CUX2: variants seen among roughly 807,000 people sequenced by gnomAD.
CUX2 encodes homeobox protein cut-like 2.
Under a neutral mutation model 144.8 loss-of-function variants are expected in CUX2, and 40 were observed. The ratio of observed to expected loss-of-function variants is 0.28; its 90% confidence interval spans 0.21 to 0.36. The LOEUF (loss-of-function observed/expected upper bound fraction) is 0.36, where lower values mean the gene tolerates loss of function less well. CUX2 is among the 10% of genes least tolerant of loss of function. The pLI is 1.00. For missense variants in CUX2, 1,615 were observed against 1,994.0 expected (o/e 0.81, Z 3.62); for synonymous variants, 827 against 875.6 (o/e 0.94, Z 0.98).
chr12:111,171,979 GTGTGTGTGCATGTGCC>G lies in CUX2; in HGVS notation c.64-42211_64-42196del, dbSNP rs1314236711. Reference sequence around the variant, plus strand: ...TGTGCGTGCATGTGCATGCACCTGTGTGTGTGTGCATGTGCCTGTGTGTGCGCATGTGTGTGCATAT... The same window carrying G: ...TGTGCGTGCATGTGCATGCACCTGTGTGTGTGTGCGCATGTGTGTGCATAT... On this transcript the variant is annotated intron_variant, in intron 1 of 21. Coordinates refer to ENST00000261726, the MANE Select transcript of CUX2 (RefSeq NM_015267.4). This position sits in a 1 kb window ranked among gnomAD's most constrained non-coding sequence, Gnocchi z 5.0. 0.015 allele frequency among the ~76,000 whole-genome samples: 2,281 copies of G among 152,180 alleles called. 50 individuals are homozygous for G. Among genetic ancestry groups the G allele is most frequent in the African/African-American group, 0.051 (2,117 of 41,518 alleles).
At chr12:111,099,752 TG>T in intron 1 of CUX2, 1 of 449,916 alleles carries the variant, frequency 2.2e-6, no homozygotes, top group Admixed American at 2.4e-5. Context: ...GCACGGATGG[TG>T]TAAAATCAGA....
chr12:111,158,922 C>G (rs983941919), intron 1 of CUX2, among the ~76,000 whole-genome samples: 1 of 152,168 alleles, frequency 6.6e-6, no homozygotes, highest in Non-Finnish European at 1.5e-5. Context: ...GAACAACACT[C>G]AGCCACAGAA....
chr12:111,117,375 C>T (rs1874371974), intron 1 of CUX2, among the ~76,000 whole-genome samples: 1 of 152,136 alleles, frequency 6.6e-6, no homozygotes, highest in South Asian at 2.1e-4. Context: ...TCTGATGTGC[C>T]ATTCACCATG....
At chr12:111,256,769 T>C (rs1237196502) in intron 3 of CUX2, among the ~76,000 whole-genome samples, 1 of 152,170 alleles carries the variant, frequency 6.6e-6, no homozygotes, top group Admixed American at 6.5e-5. Context: ...AGTTTCTTTC[T>C]TCCTCTGTAG....
At chr12:111,279,988 A>G (rs893853009) in intron 4 of CUX2, among the ~76,000 whole-genome samples, 1 of 151,408 alleles carries the variant, frequency 6.6e-6, no homozygotes, top group African/African-American at 2.4e-5. Context: ...CTCAAAAATA[A>G]ACAAACAAAC....
intron 1 of CUX2, among the ~76,000 whole-genome samples, chr12:111,155,862 C>CT (rs1298811656): frequency 6.6e-6 from 1 of 152,050 alleles, no homozygotes; most frequent in African/African-American, 2.4e-5. Flanking sequence ...ACATTAGTGA[C>CT]TTTTATAGCA....
In CUX2 at chr12:111,338,333, G is replaced by A. The variant is rs1449920761; in HGVS notation, c.3244G>A (p.Val1082Met). 3.1e-6 allele frequency: 5 copies of A among 1,613,856 alleles called. No homozygotes were observed. Among genetic ancestry groups the A allele is most frequent in the Non-Finnish European group, 4.2e-6 (5 of 1,179,928 alleles). Reference protein sequence around the residue: ...ESILGLTQGSVSDLLSRPKPW... With the variant: ...ESILGLTQGSMSDLLSRPKPW... ...CATCCTGGGTCTGACACAGGGCTCC[G>A]TGTCTGACCTGCTGTCCCGGCCCAA... Residue 1082 changes from valine to methionine, a missense_variant, in exon 20 of 22, where the codon GTG becomes ATG. Around this residue, in one of 12 missense-constraint regions of CUX2, gnomAD observed 131 missense variants for 223.1 expected, o/e 0.59. Transcript: ENST00000261726.
intron 1 of CUX2, among the ~76,000 whole-genome samples, chr12:111,135,230 G>A (rs1211334442): frequency 6.6e-6 from 1 of 152,134 alleles, no homozygotes; most frequent in South Asian, 2.1e-4. Context: ...ATGGGGTGCA[G>A]GGGAGGGTGG....
intron 1 of CUX2, among the ~76,000 whole-genome samples, chr12:111,087,081 C>T (rs1336541944): frequency 2.6e-5 from 4 of 151,922 alleles, no homozygotes; most frequent in Non-Finnish European, 4.4e-5. Context: ...TGCTGTGGGC[C>T]GGGCACAGTG....
At chr12:111,300,264 G>A (rs538710806) in intron 9 of CUX2, among the ~76,000 whole-genome samples, 2 of 152,178 alleles carry the variant, frequency 1.3e-5, no homozygotes, top group African/African-American at 4.8e-5. Context: ...GGGACTACAG[G>A]CACGCACCAC....
chr12:111,104,934 C>A (rs771401606), intron 1 of CUX2, among the ~76,000 whole-genome samples: 1 of 152,040 alleles, frequency 6.6e-6, no homozygotes, highest in Admixed American at 6.6e-5. Flanking sequence ...GGGAGGGGAC[C>A]CTGTGGCTCC....
Position 111,171,975 on chromosome 12 carries a change from C to CTG in CUX2, c.64-42214_64-42213dup, listed in dbSNP as rs199968048. On this transcript the variant is annotated intron_variant, in intron 1 of 21. Coordinates refer to ENST00000261726, the MANE Select transcript of CUX2 (RefSeq NM_015267.4). This position sits in a 1 kb window ranked among gnomAD's most constrained non-coding sequence, Gnocchi z 5.0. Reference sequence around the variant, plus strand: ...TGTGTGTGCGTGCATGTGCATGCACCTGTGTGTGTGTGCATGTGCCTGTGT... The same window carrying CTG: ...TGTGTGTGCGTGCATGTGCATGCACCTGTGTGTGTGTGTGCATGTGCCTGTGT... Among the ~76,000 whole-genome samples, 1,956 of 151,318 alleles carry CTG rather than the reference C, an allele frequency of 0.013. 44 individuals carry two copies. The highest frequency in any genetic ancestry group is 0.046 in the African/African-American group (1,873 of 41,058).
At chr12:111,315,084 A>G (rs1230552059) in intron 16 of CUX2, among the ~76,000 whole-genome samples, 1 of 152,132 alleles carries the variant, frequency 6.6e-6, no homozygotes, top group Non-Finnish European at 1.5e-5. Context: ...GTAGTCTTAT[A>G]TTCAGGGTCT....
intron 16 of CUX2, among the ~76,000 whole-genome samples, chr12:111,316,245 G>A (rs1592957549): frequency 6.7e-6 from 1 of 149,860 alleles, no homozygotes; most frequent in East Asian, 2.0e-4. Context: ...GGGTTCAAGT[G>A]ATTCCGCCTC....
At chr12:111,269,105 G>A (rs893566533) in intron 4 of CUX2, among the ~76,000 whole-genome samples, 2 of 152,134 alleles carry the variant, frequency 1.3e-5, no homozygotes, top group African/African-American at 2.4e-5. Flanking sequence ...AACCTGCCTC[G>A]TGCTGTTATT....
At chr12:111,045,260 C>T (rs919599346) in intron 1 of CUX2, among the ~76,000 whole-genome samples, 1 of 152,066 alleles carries the variant, frequency 6.6e-6, no homozygotes, top group African/African-American at 2.4e-5. Flanking sequence ...GGGGGAGACC[C>T]ATCTTTCCTT....
At chr12:111,066,669 C>T (rs946290667) in intron 1 of CUX2, among the ~76,000 whole-genome samples, 1 of 152,192 alleles carries the variant, frequency 6.6e-6, no homozygotes, top group Non-Finnish European at 1.5e-5. Flanking sequence ...CAGTGTATTC[C>T]AGCATGTAAA....
chr12:111,165,453 C>T (rs1433863315), intron 1 of CUX2, among the ~76,000 whole-genome samples: 4 of 152,152 alleles, frequency 2.6e-5, no homozygotes, highest in Admixed American at 2.6e-4. Flanking sequence ...TCTGTCTCTA[C>T]CAAGACGGTC....
intron 19 of CUX2, among the ~76,000 whole-genome samples, chr12:111,334,976 T>C (rs1334639736): frequency 6.6e-6 from 1 of 152,186 alleles, no homozygotes; most frequent in Non-Finnish European, 1.5e-5. Context: ...ATGCCTGTAG[T>C]CCTAGCAACT....
Sources: gnomAD v4.1 joint callset for allele counts (sites outside exome capture counted in the v4.1 genomes callset) on GRCh38, gnomAD v4.1.1 for gene constraint, gnomAD v4.1.1 regional missense constraint, Gnocchi (gnomAD v3.1) non-coding constraint, MANE v1.5 for transcripts, NCBI Gene and HGNC (gene_info 2026-07-23, HGNC 2026-07-21) for gene names.